Variants in NRP1 observed in about 807,000 individuals in gnomAD.
NRP1 encodes neuropilin 1.
Under a neutral mutation model 106.7 loss-of-function variants are expected in NRP1, and 35 were observed. The observed-to-expected ratio is 0.33, with a 90% confidence interval of 0.25 to 0.43. The LOEUF is 0.43. Among genes scored for constraint, NRP1 ranks in the 20% least tolerant of loss-of-function variants. The pLI, the probability that NRP1 is intolerant of heterozygous loss-of-function variation, is 1.00. For missense variants in NRP1, 1,024 were observed against 1,170.4 expected, an observed-to-expected ratio of 0.87 and a Z score of 1.83; for synonymous variants, 437 against 417.9, an observed-to-expected ratio of 1.05 and a Z score of -0.56.
chr10:33,259,622 C>T (rs1302418148), intron 4 of NRP1, among the ~76,000 whole-genome samples: 1 of 152,104 alleles, frequency 6.6e-6, no homozygotes, highest in Admixed American at 6.5e-5. Context: ...TGCCAAGCTT[C>T]AGGGAGAGGA....
intron 11 of NRP1, among the ~76,000 whole-genome samples, chr10:33,199,389 ATTTTTTTTTTTTTTTT>A (rs1160327036): frequency 4.1e-4 from 15 of 36,836 alleles, no homozygotes; most frequent in East Asian, 3.0e-3. Flanking sequence ...ATATATATAT[ATTTTTTTTTTTTTTTT>A]TTTTTTTTTT....
chr10:33,224,404 T>C (rs987681415), intron 7 of NRP1, among the ~76,000 whole-genome samples: 2 of 152,074 alleles, frequency 1.3e-5, no homozygotes, highest in Non-Finnish European at 2.9e-5. Context: ...TATGGTTTTT[T>C]TTTCCTTAAC....
At chr10:33,264,965 C>T (rs1842826568) in intron 3 of NRP1, among the ~76,000 whole-genome samples, 1 of 152,024 alleles carries the variant, frequency 6.6e-6, no homozygotes, top group Non-Finnish European at 1.5e-5. Context: ...GAAAAATTAG[C>T]TGGGCGTGGT....
chr10:33,202,478 A>T, intron 11 of NRP1: 1 of 796,298 alleles, frequency 1.3e-6, no homozygotes, highest in Non-Finnish European at 1.8e-6. Flanking sequence ...TGTTGGATAA[A>T]GGATCCACTC....
At chr10:33,263,521 G>T (rs781440204) in intron 4 of NRP1, 125 bp downstream of exon 4, 24 of 650,820 alleles carry the variant, frequency 3.7e-5, no homozygotes, top group Non-Finnish European at 5.8e-5. Context: ...AGAGAGTTTT[G>T]CTTTGTTTTC....
chr10:33,278,232 C>T (rs1427095371), intron 2 of NRP1, among the ~76,000 whole-genome samples: 1 of 152,108 alleles, frequency 6.6e-6, no homozygotes, highest in Non-Finnish European at 1.5e-5. Context: ...TTCCATTTCC[C>T]CACCATTGAA....
At chr10:33,323,045 T>C (rs954754530) in intron 2 of NRP1, among the ~76,000 whole-genome samples, 1 of 152,074 alleles carries the variant, frequency 6.6e-6, no homozygotes, top group Non-Finnish European at 1.5e-5. Flanking sequence ...CTCATCCCCA[T>C]AATGGGCACA....
At chr10:33,318,213 C>T (rs1372693948) in intron 2 of NRP1, among the ~76,000 whole-genome samples, 4 of 152,160 alleles carry the variant, frequency 2.6e-5, no homozygotes, top group African/African-American at 9.7e-5. Flanking sequence ...GCAACCTGGT[C>T]ACTGTCACAT....
At chr10:33,270,178 C>T (rs531178520) in intron 3 of NRP1, among the ~76,000 whole-genome samples, 4 of 151,988 alleles carry the variant, frequency 2.6e-5, no homozygotes, top group Admixed American at 2.6e-4. Context: ...ATTTTAAATA[C>T]ACTTCCTCCA....
intron 6 of NRP1, among the ~76,000 whole-genome samples, chr10:33,238,724 C>T (rs776795071): frequency 7.2e-5 from 11 of 152,122 alleles, no homozygotes; most frequent in Non-Finnish European, 1.5e-4. Context: ...AAGCAAGTTA[C>T]TTAGTCCATT....
chr10:33,245,945 G>T (rs537977984), intron 6 of NRP1, among the ~76,000 whole-genome samples: 5 of 152,172 alleles, frequency 3.3e-5, no homozygotes, highest in African/African-American at 1.2e-4. Context: ...GAACAGTGGT[G>T]GTTCTCGAAG....
intron 4 of NRP1, among the ~76,000 whole-genome samples, chr10:33,260,142 G>A (rs1251415986): frequency 1.3e-5 from 2 of 152,066 alleles, no homozygotes; most frequent in Non-Finnish European, 2.9e-5. Context: ...GGGATTACAG[G>A]AGTAAGCCAC....
At chr10:33,274,553 T>C (rs1843547315) in intron 2 of NRP1, among the ~76,000 whole-genome samples, 1 of 152,092 alleles carries the variant, frequency 6.6e-6, no homozygotes, top group Admixed American at 6.5e-5. Context: ...AGGTATGTGG[T>C]GCTGAACAGA....
At chr10:33,200,928 G>C (rs1837251887) in intron 11 of NRP1, 1 of 152,150 alleles carries the variant, frequency 6.6e-6, no homozygotes, top group African/African-American at 2.4e-5. Flanking sequence ...GGAGGTGTGG[G>C]GCAGGCCTTA....
chr10:33,323,250 A>C (rs1044853517), intron 2 of NRP1, among the ~76,000 whole-genome samples: 5 of 151,780 alleles, frequency 3.3e-5, no homozygotes, highest in African/African-American at 1.2e-4. Flanking sequence ...TCAAAAAAAA[A>C]CCAGTCATAA....
intron 2 of NRP1, among the ~76,000 whole-genome samples, chr10:33,289,386 G>C (rs527681239): frequency 3.3e-5 from 5 of 152,230 alleles, no homozygotes; most frequent in Admixed American, 2.6e-4. Flanking sequence ...TAGGTATTAC[G>C]TCTATAAATC....
Position 33,195,993 on chromosome 10 carries a change from C to T in NRP1, c.1924+1657G>A, listed in dbSNP as rs151066772. 1.6e-3 allele frequency among the ~76,000 whole-genome samples: 245 copies of T among 152,160 alleles called. 1 individual carries two copies. The highest frequency in any genetic ancestry group is 4.8e-3 in the African/African-American group (201 of 41,504). ...ACCACAGTAGACTCTGTGACAGGAC[C>T]GACTGGCCCCTCTGAGAAGCCATCC... is the stretch of plus-strand genomic sequence containing the variant. On this transcript the variant is annotated intron_variant, in intron 12 of 16. Transcript: ENST00000374867.
intron 9 of NRP1, among the ~76,000 whole-genome samples, chr10:33,210,996 CT>C (rs1307980964): frequency 6.6e-6 from 1 of 152,122 alleles, no homozygotes; most frequent in Non-Finnish European, 1.5e-5. Context: ...AACGAAGAAG[CT>C]TTTACAGTTT....
chr10:33,202,860 T>A, intron 11 of NRP1, 31 bp downstream of exon 11: 1 of 1,614,172 alleles, frequency 6.2e-7, no homozygotes, highest in Non-Finnish European at 8.5e-7. Flanking sequence ...ACTGAAATGG[T>A]ACAGCAATGG....
Sources: gnomAD v4.1 joint callset for allele counts (sites outside exome capture counted in the v4.1 genomes callset) on GRCh38, gnomAD v4.1.1 for gene constraint, MANE v1.5 for transcripts, NCBI Gene and HGNC (gene_info 2026-07-23, HGNC 2026-07-21) for gene names.